The following TOP1 variants were observed in gnomAD, a reference collection of about 807,000 sequenced individuals.
TOP1 encodes DNA topoisomerase I, also known as DNA topoisomerase 1.
In TOP1, 10 loss-of-function variants were observed where a neutral mutation model predicts 111.1. That is an observed-to-expected ratio of 0.09 (90% CI 0.06 to 0.15). The LOEUF is 0.15. Among genes scored for constraint, TOP1 ranks in the 10% least tolerant of loss-of-function variants. The pLI, the probability that TOP1 is intolerant of heterozygous loss-of-function variation, is 1.00. For missense variants in TOP1, 474 were observed against 926.7 expected, an observed-to-expected ratio of 0.51 and a Z score of 6.34; for synonymous variants, 271 against 302.9, an observed-to-expected ratio of 0.89 and a Z score of 1.10.
Position 41,121,066 on chromosome 20 carries a change from T to C in TOP1, c.1951-630T>C, listed in dbSNP as rs568718903. Among the ~76,000 whole-genome samples the C allele has an allele frequency of 6.6e-6, 1 of 152,158 alleles. No homozygotes were observed. Among genetic ancestry groups the C allele is most frequent in the Non-Finnish European group, 1.5e-5 (1 of 68,016 alleles). ...GACCGCTCTCCTTTTAAAAACAGAA[T>C]GCCAAAGCTAAGCCCTGCCATGTCC... On this transcript the variant is annotated intron_variant, in intron 18 of 20. Coordinates refer to ENST00000361337, the MANE Select transcript of TOP1 (RefSeq NM_003286.4). This position sits in a 1 kb window ranked among gnomAD's most constrained non-coding sequence, Gnocchi z 4.2.
At chr20:41,087,242 A>G (rs533402633) in intron 8 of TOP1, among the ~76,000 whole-genome samples, 74 of 152,340 alleles carry the variant, frequency 4.9e-4, no homozygotes, top group African/African-American at 1.7e-3. Context: ...AAACATTGTT[A>G]TAAGTGGTGG....
chr20:41,105,732 T>A (rs1004519628), intron 13 of TOP1, among the ~76,000 whole-genome samples: 1 of 152,166 alleles, frequency 6.6e-6, no homozygotes, highest in Non-Finnish European at 1.5e-5. Context: ...TGACCTCAAG[T>A]GATCTGCTCA....
At position 41,101,226 on chromosome 20, in the gene TOP1, C is replaced by T. The variant is rs990347811; in HGVS notation, c.1181C>T (p.Ser394Phe). 6.2e-7 allele frequency: 1 copy of T among 1,613,960 alleles called. No homozygotes were observed. The highest frequency in any genetic ancestry group is 1.3e-5 in the African/African-American group (1 of 74,938). Residue 394 changes from serine to phenylalanine, a missense_variant, in exon 13 of 21, where the codon TCT becomes TTT. Transcript: ENST00000361337. This position sits in a 1 kb window ranked among gnomAD's most constrained non-coding sequence, Gnocchi z 4.1. ...ATTTCCAGAGATGCCAAGGTTCCTT[C>T]TCCTCCTCCAGGACATAAGTGGAAA... The part of the protein sequence containing the change: ...INCSKDAKVP[S>F]PPPGHKWKEV...
intron 2 of TOP1, among the ~76,000 whole-genome samples, chr20:41,038,735 C>T (rs1230670058): frequency 6.6e-6 from 1 of 152,134 alleles, no homozygotes; most frequent in East Asian, 1.9e-4. Context: ...CCTATAATCC[C>T]AGCACTTTGG....
At position 41,112,983 on chromosome 20, in the gene TOP1, G is replaced by C; in HGVS notation, c.1452+58G>C. The C allele has an allele frequency of 6.3e-7, 1 of 1,574,932 alleles. No homozygotes were observed. The highest frequency in any genetic ancestry group is 8.6e-7 in the Non-Finnish European group (1 of 1,156,128). On this transcript the variant is annotated intron_variant, in intron 14 of 20. Coordinates refer to ENST00000361337, the MANE Select transcript of TOP1 (RefSeq NM_003286.4). The surrounding 1 kb of genome is among the most constrained non-coding windows in gnomAD (Gnocchi z 5.8). Reference sequence around the variant, plus strand: ...GTTGAGCTTAACAAAGGGAGTTTCTGCTCTGCCCCAGGCCCTGTGCCACAT... The same window carrying C: ...GTTGAGCTTAACAAAGGGAGTTTCTCCTCTGCCCCAGGCCCTGTGCCACAT...
chr20:41,031,459 G>A (rs1158101473), intron 2 of TOP1, among the ~76,000 whole-genome samples: 1 of 152,188 alleles, frequency 6.6e-6, no homozygotes, highest in Non-Finnish European at 1.5e-5. Context: ...ATTGTGAGCT[G>A]GCTAGGTTAT....
intron 2 of TOP1, among the ~76,000 whole-genome samples, chr20:41,049,478 T>C (rs975262816): frequency 6.6e-6 from 1 of 152,250 alleles, no homozygotes; most frequent in African/African-American, 2.4e-5. Context: ...TGACCCTGTC[T>C]TGAACTTGGT....
chr20:41,065,960 G>A (rs2033601456), intron 3 of TOP1, among the ~76,000 whole-genome samples: 1 of 151,908 alleles, frequency 6.6e-6, no homozygotes. Context: ...AATTGATGTG[G>A]TGTGAAAAAA....
intron 2 of TOP1, among the ~76,000 whole-genome samples, chr20:41,039,780 C>T (rs531262136): frequency 4.1e-4 from 62 of 152,158 alleles, no homozygotes; most frequent in Middle Eastern, 3.4e-3. Flanking sequence ...TGGTGGCGGG[C>T]GCCTGTAGTC....
At chr20:41,088,051 GAAACAGATATTCTGTC>G (rs2033868889) in intron 8 of TOP1, among the ~76,000 whole-genome samples, 5 of 152,198 alleles carry the variant, frequency 3.3e-5, no homozygotes, top group Non-Finnish European at 7.3e-5. Context: ...TGAGCTTACT[GAAACAGATATTCTGTC>G]TTTCTGTTTA....
intron 7 of TOP1, among the ~76,000 whole-genome samples, chr20:41,081,856 A>G (rs6129752): frequency 0.22 from 33,242 of 152,080 alleles, 3,718 homozygotes; most frequent in South Asian, 0.3. Flanking sequence ...CTGTTCCTCT[A>G]TCTGGAACAC....
At chr20:41,111,026 G>A (rs1482196173) in intron 13 of TOP1, among the ~76,000 whole-genome samples, 2 of 152,298 alleles carry the variant, frequency 1.3e-5, no homozygotes, top group Admixed American at 6.5e-5. Context: ...TGTGAATGAC[G>A]TGCGGGTTGG....
At chr20:41,056,464 C>T (rs2033472434) in intron 2 of TOP1, among the ~76,000 whole-genome samples, 1 of 152,106 alleles carries the variant, frequency 6.6e-6, no homozygotes, top group South Asian at 2.1e-4. Context: ...ACACCTTTCA[C>T]AGCACACATA....
At chr20:41,103,694 C>T (rs1236289886) in intron 13 of TOP1, among the ~76,000 whole-genome samples, 1 of 152,118 alleles carries the variant, frequency 6.6e-6, no homozygotes, top group Non-Finnish European at 1.5e-5. Flanking sequence ...TGGCTGGCCT[C>T]ACTATATAGC....
chr20:41,033,229 A>C (rs149179697), intron 2 of TOP1, among the ~76,000 whole-genome samples: 27 of 152,280 alleles, frequency 1.8e-4, no homozygotes, highest in South Asian at 6.2e-4. Flanking sequence ...TGCAAACTAA[A>C]TAATATAGCT....
In TOP1 at chr20:41,071,914, A is replaced by T. The variant is rs1047280804; in HGVS notation, c.156-4257A>T. Among the ~76,000 whole-genome samples, 1 of 152,174 alleles carries T rather than the reference A, an allele frequency of 6.6e-6. No homozygotes were observed. Among genetic ancestry groups the T allele is most frequent in the Non-Finnish European group, 1.5e-5 (1 of 68,030 alleles). ...AATTCATATTTCATCCATAAGTGTG[A>T]CCATTGCAGAAGTTCTAGGACTGCT... On this transcript the variant is annotated intron_variant, in intron 3 of 20. Transcript: ENST00000361337. The surrounding 1 kb of genome is among the most constrained non-coding windows in gnomAD (Gnocchi z 4.3).
intron 2 of TOP1, among the ~76,000 whole-genome samples, chr20:41,050,560 C>A (rs1199159694): frequency 6.6e-6 from 1 of 152,208 alleles, no homozygotes; most frequent in African/African-American, 2.4e-5. Context: ...AGATGGCTCA[C>A]AGACAGGGTG....
Position 41,091,223 on chromosome 20 carries a change from G to A in TOP1, c.615-1249G>A, listed in dbSNP as rs1012368743. Among the ~76,000 whole-genome samples the A allele has an allele frequency of 2.0e-5, 3 of 152,146 alleles. No homozygotes were observed. In the South Asian group the frequency reaches 6.2e-4, roughly 31 times the overall value. ...ATAATAAAATAATAAATAAAATATTGTACTTGGAAAGTAAATATGAGGGTA... is the reference window on the plus strand; with the variant it reads ...ATAATAAAATAATAAATAAAATATTATACTTGGAAAGTAAATATGAGGGTA... On this transcript the variant is annotated intron_variant, in intron 8 of 20. Transcript: ENST00000361337.
intron 2 of TOP1, among the ~76,000 whole-genome samples, chr20:41,033,142 G>C (rs1006465182): frequency 6.6e-6 from 1 of 151,930 alleles, no homozygotes; most frequent in Non-Finnish European, 1.5e-5. Context: ...TTTTAGGCTC[G>C]GATTGGATGT....
Sources: allele counts gnomAD v4.1 joint callset (sites outside exome capture counted in the v4.1 genomes callset), GRCh38; gene constraint gnomAD v4.1.1; non-coding constraint Gnocchi (gnomAD v3.1); transcripts MANE v1.5; gene names NCBI Gene and HGNC (gene_info 2026-07-23, HGNC 2026-07-21).